Variants in CARMIL1 observed in about 807,000 individuals in gnomAD.
CARMIL1 encodes F-actin-uncapping protein LRRC16A.
A neutral mutation model predicts 177.1 loss-of-function variants in CARMIL1; 90 were observed. That is an observed-to-expected ratio of 0.51 (90% CI 0.43 to 0.61). The LOEUF (loss-of-function observed/expected upper bound fraction) is 0.61. Ranked by LOEUF, CARMIL1 falls within the 20% of genes least tolerant of loss-of-function variation. The pLI is 0.00. For synonymous variants in CARMIL1, 577 were observed against 606.2 expected, an observed-to-expected ratio of 0.95 and a Z score of 0.71; for missense variants, 1,380 against 1,667.0, an observed-to-expected ratio of 0.83 and a Z score of 3.00.
intron 10 of CARMIL1, 74 bp downstream of exon 10, chr6:25,471,331 G>GT (rs144894905): frequency 0.27 from 195,941 of 721,164 alleles, 2,928 homozygotes; most frequent in South Asian, 0.28. Flanking sequence ...TTAATTCATA[G>GT]TTTTTTTTTT....
intron 1 of CARMIL1, among the ~76,000 whole-genome samples, chr6:25,281,136 GCA>G (rs1554148590): frequency 0.023 from 3,022 of 132,126 alleles, 56 homozygotes; most frequent in African/African-American, 0.059. Flanking sequence ...GTGCGCGCGC[GCA>G]CACACACACA....
chr6:25,451,609 C>T (rs2150860016), intron 8 of CARMIL1, among the ~76,000 whole-genome samples: 1 of 152,260 alleles, frequency 6.6e-6, no homozygotes, highest in Middle Eastern at 3.4e-3. Context: ...CTTCATTTTT[C>T]CCCATGTCTC....
chr6:25,495,538 C>CGTGTGTGT (rs144132253), intron 16 of CARMIL1, among the ~76,000 whole-genome samples: 7,879 of 144,886 alleles, frequency 0.054, 272 homozygotes, highest in Non-Finnish European at 0.081. Context: ...TTCGTTTGTT[C>CGTGTGTGT]GTGTGTGTGT....
At chr6:25,537,577 TAC>T (rs1808427788) in intron 24 of CARMIL1, among the ~76,000 whole-genome samples, 1 of 152,254 alleles carries the variant, frequency 6.6e-6, no homozygotes, top group South Asian at 2.1e-4. Flanking sequence ...ACTTTTGTTC[TAC>T]GTGCTGCATT....
chr6:25,450,667 C>T lies in CARMIL1; in HGVS notation c.570C>T (p.Asp190=), dbSNP rs1277445674. 1.2e-6 allele frequency: 2 copies of T among 1,605,398 alleles called. No homozygotes were observed. The highest frequency in any genetic ancestry group is 1.3e-5 in the African/African-American group (1 of 74,710). The change falls in exon 8 of 37, where the codon GAC becomes GAT. Residue 190 remains aspartate, a synonymous_variant. Transcript: ENST00000329474. ...TGGATACAATTTATCTTACCCAAGA[C>T]ACCAGGGAATTGAATTTACAAGATT... The part of the protein sequence containing the change: ...WDVDTIYLTQ[D]TRELNLQDFS...
intron 5 of CARMIL1, among the ~76,000 whole-genome samples, chr6:25,444,407 G>T (rs1281642802): frequency 6.6e-6 from 1 of 151,052 alleles, no homozygotes; most frequent in Non-Finnish European, 1.5e-5. Context: ...TAAGTTCTAG[G>T]GTACATGTGC....
At chr6:25,435,913 C>T (rs1797186867) in intron 5 of CARMIL1, among the ~76,000 whole-genome samples, 1 of 152,150 alleles carries the variant, frequency 6.6e-6, no homozygotes, top group South Asian at 2.1e-4. Context: ...GAATATTACT[C>T]ACAGCTTATT....
intron 2 of CARMIL1, among the ~76,000 whole-genome samples, chr6:25,353,015 G>T (rs564286002): frequency 6.6e-6 from 1 of 152,020 alleles, no homozygotes; most frequent in Admixed American, 6.6e-5. Context: ...TTCTCCTGCC[G>T]CCCTGCCTGG....
At chr6:25,589,879 G>C (rs908984866) in intron 31 of CARMIL1, among the ~76,000 whole-genome samples, 25 of 152,134 alleles carry the variant, frequency 1.6e-4, no homozygotes, top group African/African-American at 5.3e-4. Context: ...CAGGTGACTG[G>C]TATTGATCTT....
At chr6:25,519,614 C>A (rs992359623) in intron 22 of CARMIL1, among the ~76,000 whole-genome samples, 4 of 152,206 alleles carry the variant, frequency 2.6e-5, no homozygotes, top group African/African-American at 9.7e-5. Flanking sequence ...CTCTTGAACT[C>A]AAGCTGAAAG....
chr6:25,376,033 G>A (rs754326822), intron 2 of CARMIL1, among the ~76,000 whole-genome samples: 7 of 152,140 alleles, frequency 4.6e-5, no homozygotes, highest in Non-Finnish European at 7.3e-5. Context: ...GAGCTAGTGT[G>A]ATCTTTTGGG....
At chr6:25,476,901 C>G (rs139984975) in intron 11 of CARMIL1, among the ~76,000 whole-genome samples, 18,243 of 151,798 alleles carry the variant, frequency 0.12, 1,362 homozygotes, top group South Asian at 0.18. Flanking sequence ...CCATCCTGGT[C>G]AATGTGGTGA....
chr6:25,503,219 G>A (rs755726833), intron 17 of CARMIL1, among the ~76,000 whole-genome samples: 8 of 152,198 alleles, frequency 5.3e-5, no homozygotes, highest in Admixed American at 1.3e-4. Context: ...TGATACTGCC[G>A]ACATGGGGAA....
chr6:25,566,419 C>T (rs1224665453), intron 29 of CARMIL1, among the ~76,000 whole-genome samples: 1 of 152,200 alleles, frequency 6.6e-6, no homozygotes, highest in African/African-American at 2.4e-5. Flanking sequence ...TCCAGGCTCC[C>T]ATCTCAGCTC....
Position 25,610,091 on chromosome 6 carries a change from C to G in CARMIL1, c.3889C>G (p.Leu1297Val), listed in dbSNP as rs772540078. ...TCCATCTAGCCCGAAAGTTGCCCTT[C>G]TTCCACCTGTCCTGAAAAAAGTTCC... is the stretch of plus-strand genomic sequence containing the variant. ...DSPSSPKVALLPPVLKKVPSD... is the reference protein window; with the variant it reads ...DSPSSPKVALVPPVLKKVPSD... The change falls in exon 36 of 37, where the codon CTT becomes GTT. Residue 1297 changes from leucine to valine, a missense_variant. Physicochemically the swap from Leu to Val is conservative, Grantham distance 32 (BLOSUM62 1). Coordinates refer to ENST00000329474, the MANE Select transcript of CARMIL1 (RefSeq NM_017640.6). 18 of 1,613,974 alleles carry G rather than the reference C, an allele frequency of 1.1e-5. 1 individual carries two copies. In the East Asian group the frequency reaches 2.0e-4, roughly 18 times the overall value.
intron 2 of CARMIL1, among the ~76,000 whole-genome samples, chr6:25,332,530 G>A (rs1243296530): frequency 6.6e-6 from 1 of 152,102 alleles, no homozygotes; most frequent in Non-Finnish European, 1.5e-5. Context: ...AATCCAGGAC[G>A]ATTCCCAGGT....
intron 2 of CARMIL1, among the ~76,000 whole-genome samples, chr6:25,386,253 T>C (rs144182590): frequency 5.6e-4 from 86 of 152,318 alleles, no homozygotes; most frequent in African/African-American, 2.0e-3. Context: ...TCTTTGTGTG[T>C]GTGTGGGGTG....
Position 25,426,483 on chromosome 6 carries a change from C to A in CARMIL1, c.190-18C>A. On this transcript the variant is annotated intron_variant, in intron 3 of 36. Transcript: ENST00000329474. The stretch of plus-strand genomic sequence containing the variant: ...CTCATTGCAGGTCTTTTCTTTCCTC[C>A]TTTCCCCTCAATTGCAGCTCGAGTT... The A allele has an allele frequency of 6.3e-7, 1 of 1,596,462 alleles. No individual in the cohort carries two copies. Among genetic ancestry groups the A allele is most frequent in the Non-Finnish European group, 8.6e-7 (1 of 1,169,538 alleles).
intron 23 of CARMIL1, among the ~76,000 whole-genome samples, chr6:25,526,087 A>G (rs1229308380): frequency 6.6e-6 from 1 of 151,914 alleles, no homozygotes; most frequent in Non-Finnish European, 1.5e-5. Flanking sequence ...AGGCGGGCGG[A>G]TCACAAGGTC....
Sources: gnomAD v4.1 joint callset for allele counts (sites outside exome capture counted in the v4.1 genomes callset) on GRCh38, gnomAD v4.1.1 for gene constraint, MANE v1.5 for transcripts, NCBI Gene and HGNC (gene_info 2026-07-23, HGNC 2026-07-21) for gene names.